Variants in NRG1 observed in about 807,000 individuals in gnomAD.
NRG1 encodes pro-neuregulin-1, membrane-bound isoform.
A neutral mutation model predicts 63.8 loss-of-function variants in NRG1; 18 were observed. That is an observed-to-expected ratio of 0.28 (90% CI 0.19 to 0.42). The LOEUF (loss-of-function observed/expected upper bound fraction) is 0.42. Among genes scored for constraint, NRG1 ranks in the 10% least tolerant of loss-of-function variants. The pLI is 1.00. For synonymous variants in NRG1, 302 were observed against 301.3 expected, an observed-to-expected ratio of 1.00 and a Z score of -0.02; for missense variants, 762 against 814.7, an observed-to-expected ratio of 0.94 and a Z score of 0.79.
intron 1 of NRG1, among the ~76,000 whole-genome samples, chr8:31,889,638 T>C (rs942980241): frequency 6.6e-6 from 1 of 152,174 alleles, no homozygotes; most frequent in African/African-American, 2.4e-5. Context: ...GCCACAGGTT[T>C]GGAAATGGCT....
At chr8:32,749,451 A>C (rs1431423707) in intron 7 of NRG1, 8 of 1,110,662 alleles carry the variant, frequency 7.2e-6, no homozygotes, top group African/African-American at 3.1e-5. Flanking sequence ...ATGTGCATGC[A>C]CAGAGAGCCA....
intron 1 of NRG1, among the ~76,000 whole-genome samples, chr8:32,513,170 GGT>G (rs55982622): frequency 0.11 from 15,656 of 148,918 alleles, 1,159 homozygotes; most frequent in Admixed American, 0.24. Flanking sequence ...TGCTGAAGCT[GGT>G]GTGTGTGTGT....
At chr8:32,507,750 T>G (rs1449812259) in intron 1 of NRG1, among the ~76,000 whole-genome samples, 1 of 150,768 alleles carries the variant, frequency 6.6e-6, no homozygotes, top group East Asian at 1.9e-4. Context: ...CAGGCTGGAG[T>G]GCAGTGGCAT....
chr8:32,015,836 A>G (rs976880911), intron 1 of NRG1, among the ~76,000 whole-genome samples: 1 of 151,598 alleles, frequency 6.6e-6, no homozygotes, highest in Non-Finnish European at 1.5e-5. Flanking sequence ...TCCTCAACGT[A>G]GAAGTTTTCT....
intron 1 of NRG1, among the ~76,000 whole-genome samples, chr8:32,429,114 GA>G (rs1817804214): frequency 6.6e-6 from 1 of 151,996 alleles, no homozygotes; most frequent in Non-Finnish European, 1.5e-5. Flanking sequence ...GGGTGGAAGT[GA>G]AATGAAGTAC....
At chr8:31,878,263 C>A (rs919700319) in intron 1 of NRG1, among the ~76,000 whole-genome samples, 12 of 152,166 alleles carry the variant, frequency 7.9e-5, no homozygotes, top group African/African-American at 1.9e-4. Context: ...GAATTAATAA[C>A]CTTACATCTT....
chr8:32,096,553 G>A (rs749319770), intron 1 of NRG1, among the ~76,000 whole-genome samples: 28 of 152,118 alleles, frequency 1.8e-4, no homozygotes, highest in African/African-American at 4.6e-4. Flanking sequence ...TTTGGTTCAC[G>A]TTTGTGATGT....
At chr8:32,190,174 T>C (rs945387372) in intron 1 of NRG1, among the ~76,000 whole-genome samples, 3 of 133,146 alleles carry the variant, frequency 2.3e-5, no homozygotes, top group African/African-American at 1.0e-4. Context: ...TATCAAAATG[T>C]ATTATTATTA....
At chr8:32,534,354 A>G (rs1040676297) in intron 1 of NRG1, among the ~76,000 whole-genome samples, 4 of 152,162 alleles carry the variant, frequency 2.6e-5, no homozygotes, top group Non-Finnish European at 5.9e-5. Flanking sequence ...CTCAAGCTAT[A>G]AACTATGTTT....
downstream of NRG1, among the ~76,000 whole-genome samples, chr8:32,772,088 T>A (rs1831864602): frequency 8.9e-5 from 12 of 134,590 alleles, no homozygotes; most frequent in South Asian, 2.3e-4. Flanking sequence ...TATATATATA[T>A]AAAATCCCAC....
intron 1 of NRG1, among the ~76,000 whole-genome samples, chr8:32,262,680 GA>G (rs367580841): frequency 0.017 from 2,651 of 152,116 alleles, 75 homozygotes; most frequent in African/African-American, 0.06. Context: ...TGAAAAATGG[GA>G]AAAAAATATA....
chr8:32,068,795 A>G (rs1389217667), intron 1 of NRG1, among the ~76,000 whole-genome samples: 1 of 152,186 alleles, frequency 6.6e-6, no homozygotes, highest in African/African-American at 2.4e-5. Context: ...CTTTTAAATC[A>G]TATTTCACTC....
intron 1 of NRG1, among the ~76,000 whole-genome samples, chr8:31,973,604 A>G (rs773289021): frequency 8.5e-5 from 13 of 152,198 alleles, no homozygotes; most frequent in Non-Finnish European, 1.8e-4. Flanking sequence ...GCTAGCCCCC[A>G]AGTCCAGTCC....
chr8:32,233,536 AATATAT>A (rs71541806), intron 1 of NRG1, among the ~76,000 whole-genome samples: 35 of 88,120 alleles, frequency 4.0e-4, no homozygotes, highest in South Asian at 2.1e-3. Flanking sequence ...AACTCGAAAG[AATATAT>A]ATATATATAT....
At chr8:31,703,525 A>T (rs1810833877) in intron 1 of NRG1, among the ~76,000 whole-genome samples, 2 of 152,222 alleles carry the variant, frequency 1.3e-5, no homozygotes, top group African/African-American at 4.8e-5. Context: ...GAAGATTTTT[A>T]AAAGTTTCAA....
At chr8:31,868,073 C>T (rs2129611220) in intron 1 of NRG1, among the ~76,000 whole-genome samples, 1 of 151,526 alleles carries the variant, frequency 6.6e-6, no homozygotes, top group South Asian at 2.1e-4. Flanking sequence ...TCTAGAATGT[C>T]AGCCAAACAG....
intron 1 of NRG1, among the ~76,000 whole-genome samples, chr8:31,736,137 G>A (rs1814639482): frequency 6.6e-6 from 1 of 152,016 alleles, no homozygotes; most frequent in African/African-American, 2.4e-5. Flanking sequence ...GTCTATTAAT[G>A]CCACCTGACC....
intron 1 of NRG1, among the ~76,000 whole-genome samples, chr8:32,110,510 T>C (rs1355497475): frequency 2.0e-5 from 3 of 152,226 alleles, no homozygotes; most frequent in Non-Finnish European, 4.4e-5. Flanking sequence ...GAGAGATCTT[T>C]GCTCTTTTGT....
chr8:32,616,928 G>A, intron 5 of NRG1, 43 bp downstream of exon 5: 3 of 1,375,934 alleles, frequency 2.2e-6, no homozygotes, highest in Non-Finnish European at 3.1e-6. Context: ...TTTAACCCAA[G>A]GCACTATCTG....
Sources: gnomAD v4.1 joint callset for allele counts (sites outside exome capture counted in the v4.1 genomes callset) on GRCh38, gnomAD v4.1.1 for gene constraint, MANE v1.5 for transcripts, NCBI Gene and HGNC (gene_info 2026-07-23, HGNC 2026-07-21) for gene names.